Variants in ERBB2 observed in about 807,000 individuals in gnomAD.
ERBB2 encodes the protein erb-b2 receptor tyrosine kinase 2.
ERBB2 carries 61 observed loss-of-function variants against 149.0 expected under a neutral mutation model. The ratio of observed to expected loss-of-function variants is 0.41; its 90% CI spans 0.33 to 0.51. The LOEUF (loss-of-function observed/expected upper bound fraction) is 0.51, where lower values mean the gene tolerates loss of function less well. ERBB2 is among the 20% of genes least tolerant of loss of function. ERBB2 has a pLI of 0.25. For missense variants in ERBB2, 1,205 were observed against 1,655.1 expected (o/e 0.73, Z 4.72); for synonymous variants, 633 against 678.8 (o/e 0.93, Z 1.05).
At position 39,727,276 on chromosome 17, in the gene ERBB2, CTT is replaced by C. The variant is rs2059826119; in HGVS notation, c.3160-17_3160-16del. The C allele has an allele frequency of 6.2e-7, 1 of 1,611,390 alleles. No individual in the cohort carries two copies. The highest frequency in any genetic ancestry group is 8.5e-7 in the Non-Finnish European group (1 of 1,179,440). On this transcript the variant is annotated splice_polypyrimidine_tract_variant and intron_variant, in intron 25 of 26. Coordinates refer to ENST00000269571, the MANE Select transcript of ERBB2 (RefSeq NM_004448.4). The surrounding 1 kb of genome is among the most constrained non-coding windows in gnomAD (Gnocchi z 4.3). ...GATCCGTGAGTGACCCCCATCATGA[CTT>C]TCTTTCTTGTCCCCAGAGTGGCGGT...
chr17:39,701,558 T>A (rs572655133), intron 1 of ERBB2, among the ~76,000 whole-genome samples: 1 of 152,106 alleles, frequency 6.6e-6, no homozygotes, highest in Non-Finnish European at 1.5e-5. Context: ...AGGGAGTGGG[T>A]GTCATCGTGG....
chr17:39,717,980 A>G (rs531300642), intron 15 of ERBB2, among the ~76,000 whole-genome samples: 1 of 152,156 alleles, frequency 6.6e-6, no homozygotes, highest in African/African-American at 2.4e-5. Context: ...TGCCTGGCTA[A>G]TTTTTGTATT....
rs1220496913 is a variant in ERBB2 at position 39,724,890 on chromosome 17, C to T, written c.2472C>T (p.Asn824=). The T allele has an allele frequency of 1.2e-6, 2 of 1,614,146 alleles. No individual in the cohort carries two copies. The highest frequency in any genetic ancestry group is 1.3e-5 in the African/African-American group (1 of 75,060). The change falls in exon 20 of 27, where the codon AAC becomes AAT. Residue 824 remains asparagine, a synonymous_variant. Transcript: ENST00000269571. ...RGRLGSQDLL[N]WCMQIAKGMS... is the part of the protein sequence containing the mutation. ...GCCTGGGCTCCCAGGACCTGCTGAA[C>T]TGGTGTATGCAGATTGCCAAGGTAT...
Position 39,712,438 on chromosome 17 carries a change from A to G in ERBB2, c.1138A>G (p.Ser380Gly), listed in dbSNP as rs148068883. ...IFGSLAFLPE[S>G]FDGDPASNTA... is the part of the protein sequence containing the mutation. ...TGGGAGCCTGGCATTTCTGCCGGAGAGCTTTGATGGGTAAGAGTGGGCACG... is the reference window on the plus strand; with the variant it reads ...TGGGAGCCTGGCATTTCTGCCGGAGGGCTTTGATGGGTAAGAGTGGGCACG... Residue 380 changes from serine to glycine, a missense_variant, in exon 9 of 27, where the codon AGC becomes GGC. Around this residue, in one of 6 missense-constraint regions of ERBB2, gnomAD observed 569 missense variants for 803.5 expected, o/e 0.71. Coordinates refer to ENST00000269571, the MANE Select transcript of ERBB2 (RefSeq NM_004448.4). The G allele has an allele frequency of 2.4e-5, 39 of 1,613,572 alleles. No homozygotes were observed. The highest frequency in any genetic ancestry group is 3.2e-5 in the Non-Finnish European group (38 of 1,179,850).
At chr17:39,699,610 C>G (rs1567891722), upstream of ERBB2, 2 of 1,321,320 alleles carry the variant, frequency 1.5e-6, no homozygotes, top group East Asian at 5.0e-5. Context: ...CATCCCCCTC[C>G]TTGACTATCA....
chr17:39,724,491 C>A (rs916073290), intron 19 of ERBB2, among the ~76,000 whole-genome samples: 1 of 151,962 alleles, frequency 6.6e-6, no homozygotes, highest in African/African-American at 2.4e-5. Context: ...AACTCCTGAC[C>A]TCATGATCCG....
upstream of ERBB2, chr17:39,696,636 C>T (rs1597845709): frequency 6.6e-6 from 1 of 152,166 alleles, no homozygotes; most frequent in African/African-American, 2.4e-5. Context: ...TCCTTTAGCT[C>T]GTGGAATCTC....
At chr17:39,715,971 C>T (rs2059100187) in intron 12 of ERBB2, 32 bp downstream of exon 12, 1 of 1,590,914 alleles carries the variant, frequency 6.3e-7, no homozygotes, top group Non-Finnish European at 8.5e-7. Context: ...GCGCACTCCC[C>T]ATCTGCCAGC....
chr17:39,708,767 G>A (rs903389275), intron 3 of ERBB2, among the ~76,000 whole-genome samples: 1 of 152,172 alleles, frequency 6.6e-6, no homozygotes, highest in Non-Finnish European at 1.5e-5. Context: ...CTGGGTTTTT[G>A]CCCCCACTTG....
rs1185835397 is a variant in ERBB2, at chr17:39,717,436, TGAG to T, written c.1859_1861del (p.Glu620del). 7.4e-6 allele frequency: 12 copies of T among 1,613,272 alleles called. No individual in the cohort carries two copies. The highest frequency in any genetic ancestry group is 3.3e-5 in the Admixed American group (2 of 60,004). On this transcript the variant is annotated inframe_deletion, in exon 15 of 27. Transcript: ENST00000269571. Reference sequence around the variant, plus strand: ...ACATGCCCATCTGGAAGTTTCCAGATGAGGAGGGCGCATGCCAGCCTTGCCCCA... The same window carrying T: ...ACATGCCCATCTGGAAGTTTCCAGATGAGGGCGCATGCCAGCCTTGCCCCA...
At chr17:39,703,515 A>G (rs971632980) in intron 1 of ERBB2, 3 of 152,250 alleles carry the variant, frequency 2.0e-5, no homozygotes, top group Non-Finnish European at 4.4e-5. Context: ...AAGCCTCGTC[A>G]TGTTTACAGA....
At position 39,715,264 on chromosome 17, in the gene ERBB2, A is replaced by C. The variant is rs200489658; in HGVS notation, c.1149-22A>C. The C allele has an allele frequency of 3.6e-5, 58 of 1,609,850 alleles. No individual in the cohort carries two copies. In the East Asian group the frequency reaches 1.3e-3, roughly 36 times the overall value. On this transcript the variant is annotated intron_variant, in intron 9 of 26. Coordinates refer to ENST00000269571, the MANE Select transcript of ERBB2 (RefSeq NM_004448.4). ...GTCCACCCTGTTCCTGGCCCTGCTGACTCCTCTCCTGACCCCTCCAGGGAC... is the reference window on the plus strand; with the variant it reads ...GTCCACCCTGTTCCTGGCCCTGCTGCCTCCTCTCCTGACCCCTCCAGGGAC...
At chr17:39,704,290 CG>C (rs1268371334) in intron 1 of ERBB2, among the ~76,000 whole-genome samples, 1 of 152,068 alleles carries the variant, frequency 6.6e-6, no homozygotes, top group Non-Finnish European at 1.5e-5. Context: ...AGGAAATCAA[CG>C]GGGACCAGGT....
At chr17:39,711,250 G>A (rs2058782353) in intron 7 of ERBB2, among the ~76,000 whole-genome samples, 1 of 151,730 alleles carries the variant, frequency 6.6e-6, no homozygotes, top group South Asian at 2.1e-4. Context: ...GGAGTGCAGT[G>A]GTGCAATTTT....
chr17:39,716,475 G>T (rs927291057), intron 13 of ERBB2, 40 bp from the exon 14 acceptor site: 8 of 1,613,640 alleles, frequency 5.0e-6, no homozygotes, highest in Non-Finnish European at 6.8e-6. Context: ...GGGTGCATGG[G>T]GCTCCTCTCA....
chr17:39,694,303 G>GTATATA (rs371746832), upstream of ERBB2, among the ~76,000 whole-genome samples: 1,640 of 75,714 alleles, frequency 0.022, 66 homozygotes, highest in Non-Finnish European at 0.022. Context: ...ATATATATGT[G>GTATATA]TATATATATA....
Position 39,727,965 on chromosome 17 carries a change from G to C in ERBB2, c.3689G>C (p.Arg1230Pro), listed in dbSNP as rs372043866. 5.0e-6 allele frequency: 8 copies of C among 1,613,582 alleles called. No individual in the cohort carries two copies. The East Asian group carries it at 1.8e-4, about 36-fold the overall frequency. ...LYYWDQDPPERGAPPSTFKGT... is the reference protein window; with the variant it reads ...LYYWDQDPPEPGAPPSTFKGT... Reference sequence around the variant, plus strand: ...TACTGGGACCAGGACCCACCAGAGCGGGGGGCTCCACCCAGCACCTTCAAA... The same window carrying C: ...TACTGGGACCAGGACCCACCAGAGCCGGGGGCTCCACCCAGCACCTTCAAA... Residue 1230 changes from arginine to proline, a missense_variant, in exon 27 of 27, where the codon CGG becomes CCG. Physicochemically the swap from Arg to Pro is moderately radical, Grantham distance 103. Around this residue, in one of 6 missense-constraint regions of ERBB2, gnomAD observed 312 missense variants for 343.8 expected, o/e 0.91. Coordinates refer to ENST00000269571, the MANE Select transcript of ERBB2 (RefSeq NM_004448.4). The surrounding 1 kb of genome is among the most constrained non-coding windows in gnomAD (Gnocchi z 4.3).
rs1430548967 is a variant in ERBB2 at position 39,715,999 on chromosome 17, G to A, written c.1513+60G>A. 6 of 1,531,878 alleles carry A rather than the reference G, an allele frequency of 3.9e-6. No individual in the cohort carries two copies. The East Asian group carries it at 6.8e-5, about 17-fold the overall frequency. The allele number at this position is 1,531,878 out of a possible 1,614,324, so 94.9% of individuals were successfully genotyped here. On this transcript the variant is annotated intron_variant, in intron 12 of 26. Transcript: ENST00000269571. ...CTGCCAGCACACAGCAGTGCCCAGG[G>A]GGCCCTGGCAGCAGCGTTCTTGGAC... is the stretch of plus-strand genomic sequence containing the variant.
chr17:39,710,627 C>G, intron 7 of ERBB2, 146 bp downstream of exon 7: 1 of 1,011,628 alleles, frequency 9.9e-7, no homozygotes, highest in Non-Finnish European at 1.4e-6. Context: ...CTTTCAACAG[C>G]TGTGGAGCAG....
Sources: allele counts gnomAD v4.1 joint callset (sites outside exome capture counted in the v4.1 genomes callset), GRCh38; gene constraint gnomAD v4.1.1; regional missense constraint gnomAD v4.1.1; non-coding constraint Gnocchi (gnomAD v3.1); transcripts MANE v1.5; gene names NCBI Gene and HGNC (gene_info 2026-07-23, HGNC 2026-07-21).